The following CNBD1 variants were observed in gnomAD, a reference collection of about 807,000 sequenced individuals.
CNBD1 encodes the protein cyclic nucleotide binding domain containing 1.
A neutral mutation model predicts 54.4 loss-of-function variants in CNBD1; 71 were observed. The observed-to-expected ratio is 1.30, with a 90% CI of 1.08 to 1.59. The LOEUF is 1.59. CNBD1 is among the 40% of genes most tolerant of loss of function. The pLI is 0.00. For synonymous variants in CNBD1, 182 were observed against 170.7 expected (o/e 1.07, Z -0.51); for missense variants, 659 against 518.0 (o/e 1.27, Z -2.64).
chr8:86,985,763 A>G (rs985746418), intron 4 of CNBD1, among the ~76,000 whole-genome samples: 3 of 152,150 alleles, frequency 2.0e-5, no homozygotes, highest in Admixed American at 6.6e-5. Flanking sequence ...AAGTTCTTTG[A>G]GATATCTCCA....
chr8:87,349,614 A>T (rs762011158), intron 8 of CNBD1, among the ~76,000 whole-genome samples: 4 of 152,170 alleles, frequency 2.6e-5, no homozygotes, highest in Non-Finnish European at 5.9e-5. Flanking sequence ...ACCTCAGATG[A>T]TCTGCCCGCC....
chr8:87,343,970 T>C (rs994420594), intron 8 of CNBD1, among the ~76,000 whole-genome samples: 1 of 152,076 alleles, frequency 6.6e-6, no homozygotes, highest in African/African-American at 2.4e-5. Flanking sequence ...CTATAAAAGC[T>C]CTAACAACTT....
At chr8:87,300,487 G>C (rs1234337138) in intron 8 of CNBD1, among the ~76,000 whole-genome samples, 2 of 152,120 alleles carry the variant, frequency 1.3e-5, no homozygotes, top group Non-Finnish European at 2.9e-5. Context: ...TAACTTCTAA[G>C]AAGCTAAAAT....
intron 8 of CNBD1, among the ~76,000 whole-genome samples, chr8:87,295,182 G>C (rs1159966971): frequency 6.6e-6 from 1 of 151,578 alleles, no homozygotes; most frequent in Non-Finnish European, 1.5e-5. Context: ...AACTATTATG[G>C]CTAGAAATGT....
intron 5 of CNBD1, among the ~76,000 whole-genome samples, chr8:87,233,251 A>G (rs984203693): frequency 6.6e-6 from 1 of 152,124 alleles, no homozygotes; most frequent in African/African-American, 2.4e-5. Context: ...ACTGGGACTA[A>G]AAATCAGTCC....
intron 4 of CNBD1, among the ~76,000 whole-genome samples, chr8:86,997,354 T>C (rs1808896517): frequency 6.6e-6 from 1 of 152,200 alleles, no homozygotes; most frequent in South Asian, 2.1e-4. Context: ...ATCTTGCTCT[T>C]CAGTCCTCTA....
In CNBD1 at chr8:86,944,739, G is replaced by A. The variant is rs76155442; in HGVS notation, c.431+4985G>A. Among the ~76,000 whole-genome samples, 661 of 152,298 alleles carry A rather than the reference G, an allele frequency of 4.3e-3. 10 individuals carry two copies. Among genetic ancestry groups the A allele is most frequent in the African/African-American group, 0.015 (642 of 41,554 alleles). The stretch of plus-strand genomic sequence containing the variant: ...TATCATTTAGGGTCTCATAGCCCAT[G>A]AAGGGATTTTAACCTTGGTGTGACT... On this transcript the variant is annotated intron_variant, in intron 4 of 10. Transcript: ENST00000518476.
At chr8:87,224,910 T>A (rs1246051666) in intron 5 of CNBD1, among the ~76,000 whole-genome samples, 1 of 152,144 alleles carries the variant, frequency 6.6e-6, no homozygotes, top group Non-Finnish European at 1.5e-5. Context: ...GTATCCTCTA[T>A]TATTTCATTG....
chr8:87,038,369 C>A (rs559938871), intron 4 of CNBD1, among the ~76,000 whole-genome samples: 1 of 152,120 alleles, frequency 6.6e-6, no homozygotes, highest in Admixed American at 6.6e-5. Context: ...TTACACAAAT[C>A]AATTTTTCCA....
intron 8 of CNBD1, among the ~76,000 whole-genome samples, chr8:87,308,423 A>T (rs770145964): frequency 1.3e-5 from 2 of 152,072 alleles, no homozygotes; most frequent in Non-Finnish European, 2.9e-5. Context: ...TTGAGCTTGG[A>T]TATGCTTTGT....
chr8:87,075,681 C>T (rs984515741), intron 4 of CNBD1, among the ~76,000 whole-genome samples: 1 of 152,164 alleles, frequency 6.6e-6, no homozygotes, highest in Non-Finnish European at 1.5e-5. Context: ...TCTTCCTTGG[C>T]AATAATCATT....
intron 4 of CNBD1, among the ~76,000 whole-genome samples, chr8:86,980,961 C>T (rs944529946): frequency 1.3e-5 from 2 of 152,140 alleles, no homozygotes; most frequent in Non-Finnish European, 2.9e-5. Context: ...CCATAACCTC[C>T]CACATACCCA....
chr8:87,263,234 CT>C (rs1021636638), intron 6 of CNBD1, among the ~76,000 whole-genome samples: 1 of 152,016 alleles, frequency 6.6e-6, no homozygotes, highest in African/African-American at 2.4e-5. Context: ...TTTATTTCTC[CT>C]TATAAGCTTG....
chr8:86,866,658 TG>T, intron 1 of CNBD1, 75 bp downstream of exon 1: 2 of 1,147,140 alleles, frequency 1.7e-6, no homozygotes. Context: ...CTATGAAAAT[TG>T]GGGGTATTTC....
intron 4 of CNBD1, among the ~76,000 whole-genome samples, chr8:87,104,814 C>T (rs1811499573): frequency 6.6e-6 from 1 of 152,138 alleles, no homozygotes; most frequent in Admixed American, 6.5e-5. Flanking sequence ...GCAGAATTTT[C>T]TCCCAAGGGA....
intron 4 of CNBD1, among the ~76,000 whole-genome samples, chr8:87,108,077 T>C (rs1309102619): frequency 6.6e-6 from 1 of 152,124 alleles, no homozygotes; most frequent in East Asian, 1.9e-4. Context: ...ATTCTCCTTC[T>C]CTCCATTAAT....
chr8:87,164,841 T>C (rs537981321), intron 4 of CNBD1, among the ~76,000 whole-genome samples: 1 of 151,968 alleles, frequency 6.6e-6, no homozygotes. Flanking sequence ...GTTTTTTCCT[T>C]TCCACATTCC....
intron 3 of CNBD1, among the ~76,000 whole-genome samples, chr8:86,937,425 G>A (rs1809568815): frequency 1.3e-5 from 2 of 152,054 alleles, no homozygotes; most frequent in Admixed American, 1.3e-4. Context: ...AAAACCAATT[G>A]TACCTTCCCA....
At chr8:87,225,347 T>G (rs1434377936) in intron 5 of CNBD1, among the ~76,000 whole-genome samples, 3 of 151,752 alleles carry the variant, frequency 2.0e-5, no homozygotes, top group Middle Eastern at 3.2e-3. Context: ...TGCTTCCAGT[T>G]TTTGCCCATT....
Sources: gnomAD v4.1 joint callset for allele counts (sites outside exome capture counted in the v4.1 genomes callset) on GRCh38, gnomAD v4.1.1 for gene constraint, MANE v1.5 for transcripts, NCBI Gene and HGNC (gene_info 2026-07-23, HGNC 2026-07-21) for gene names.